The following GPR158 variants were observed in gnomAD, a reference collection of about 807,000 sequenced individuals.
The protein encoded by GPR158 is metabotropic glycine receptor.
A neutral mutation model predicts 78.2 loss-of-function variants in GPR158; 30 were observed. The observed-to-expected ratio is 0.38, with a 90% CI of 0.29 to 0.52. GPR158 has a LOEUF of 0.52. Among genes scored for constraint, GPR158 ranks in the 20% least tolerant of loss-of-function variants. The pLI is 0.83. For synonymous variants in GPR158, 581 were observed against 591.1 expected, an observed-to-expected ratio of 0.98 and a Z score of 0.25; for missense variants, 1,463 against 1,523.5, an observed-to-expected ratio of 0.96 and a Z score of 0.66.
At chr10:25,238,062 T>TTCTTC (rs1463371593) in intron 2 of GPR158, among the ~76,000 whole-genome samples, 1 of 120,170 alleles carries the variant, frequency 8.3e-6, no homozygotes, top group African/African-American at 4.3e-5. Flanking sequence ...TTTTCTTTTC[T>TTCTTC]CTCCTTCTTC....
At chr10:25,534,757 A>G (rs936066955) in intron 5 of GPR158, among the ~76,000 whole-genome samples, 1 of 152,162 alleles carries the variant, frequency 6.6e-6, no homozygotes, top group Non-Finnish European at 1.5e-5. Context: ...TGACAGAGCA[A>G]GACTCCATCT....
chr10:25,236,031 C>A (rs1451054209), intron 2 of GPR158, among the ~76,000 whole-genome samples: 4 of 152,184 alleles, frequency 2.6e-5, no homozygotes, highest in African/African-American at 9.6e-5. Flanking sequence ...TAGCCAACCT[C>A]CATAGCACTT....
intron 2 of GPR158, among the ~76,000 whole-genome samples, chr10:25,379,557 AAGACTTCTTTTTCTCTTCAG>A (rs1470326720): frequency 6.6e-6 from 1 of 152,056 alleles, no homozygotes; most frequent in Non-Finnish European, 1.5e-5. Flanking sequence ...GATACGGCAA[AAGACTTCTTTTTCTCTTCAG>A]CTTCTGCTTA....
chr10:25,314,885 A>ATATATATG (rs1329409723), intron 2 of GPR158, among the ~76,000 whole-genome samples: 5 of 120,270 alleles, frequency 4.2e-5, no homozygotes, highest in Non-Finnish European at 6.9e-5. Context: ...ATATATATAT[A>ATATATATG]TGACTAATGA....
At chr10:25,276,832 G>C (rs1306901974) in intron 2 of GPR158, among the ~76,000 whole-genome samples, 1 of 152,066 alleles carries the variant, frequency 6.6e-6, no homozygotes, top group Non-Finnish European at 1.5e-5. Flanking sequence ...AAGGCAAGTA[G>C]AATGATTTGG....
At chr10:25,229,700 A>G (rs1237503460) in intron 2 of GPR158, among the ~76,000 whole-genome samples, 1 of 152,190 alleles carries the variant, frequency 6.6e-6, no homozygotes, top group East Asian at 1.9e-4. Context: ...TTTCTAGGAA[A>G]CATGTAACCA....
chr10:25,381,409 G>A (rs1248666402), intron 2 of GPR158, among the ~76,000 whole-genome samples: 1 of 152,082 alleles, frequency 6.6e-6, no homozygotes, highest in Non-Finnish European at 1.5e-5. Context: ...AGTGAATTTA[G>A]GGTTGAGAGA....
intron 5 of GPR158, among the ~76,000 whole-genome samples, chr10:25,541,953 AATTATAT>A (rs1012954443): frequency 9.5e-5 from 14 of 147,560 alleles, no homozygotes; most frequent in African/African-American, 1.5e-4. Flanking sequence ...TAATTATATA[AATTATAT>A]ATTATATATT....
At chr10:25,244,215 C>G (rs932757069) in intron 2 of GPR158, 1 of 152,110 alleles carries the variant, frequency 6.6e-6, no homozygotes, top group Non-Finnish European at 1.5e-5. Context: ...TTTGCTGTTA[C>G]CACTACTCTC....
chr10:25,201,838 T>C (rs1412245736), intron 1 of GPR158, among the ~76,000 whole-genome samples: 1 of 152,120 alleles, frequency 6.6e-6, no homozygotes, highest in South Asian at 2.1e-4. Flanking sequence ...TTGATCATGA[T>C]AGATGAGCTT....
At chr10:25,187,721 A>G (rs1236724596) in intron 1 of GPR158, among the ~76,000 whole-genome samples, 1 of 152,214 alleles carries the variant, frequency 6.6e-6, no homozygotes, top group Non-Finnish European at 1.5e-5. Flanking sequence ...GAAAACTGGC[A>G]CAAGACAGGG....
At chr10:25,317,371 A>G (rs1384072807) in intron 2 of GPR158, among the ~76,000 whole-genome samples, 1 of 151,874 alleles carries the variant, frequency 6.6e-6, no homozygotes, top group African/African-American at 2.4e-5. Flanking sequence ...ATGTCTTTTA[A>G]AGCTCACTTT....
Position 25,572,883 on chromosome 10 carries a change from A to T in GPR158, c.1749A>T (p.Ala583=). 1 of 1,548,394 alleles carries T rather than the reference A, an allele frequency of 6.5e-7. No homozygotes were observed. The highest frequency in any genetic ancestry group is 8.9e-7 in the Non-Finnish European group (1 of 1,120,074). ...TTGACCGCTGGGACTACATGACAGC[A>T]GTTGGTATGTGGTCACTTGTTTCGT... is the stretch of plus-strand genomic sequence containing the variant. ...CLIDRWDYMT[A]VAEFLFLLWG... The change falls in exon 7 of 11, where the codon GCA becomes GCT. Residue 583 remains alanine (A), a synonymous_variant. Transcript: ENST00000376351.
In GPR158 at chr10:25,447,479, G is replaced by A. The variant is rs1835153088; in HGVS notation, c.1336-19172G>A. The stretch of plus-strand genomic sequence containing the variant: ...ATGGCATGTGGGTGGAGAATGCTGA[G>A]CTCGTTTCTGTTAGTTTCTCGTTCC... On this transcript the variant is annotated intron_variant, in intron 4 of 10. Coordinates refer to ENST00000376351, the MANE Select transcript of GPR158 (RefSeq NM_020752.3). 1.3e-5 allele frequency among the ~76,000 whole-genome samples: 2 copies of A among 152,210 alleles called. 1 individual carries two copies. Among genetic ancestry groups the A allele is most frequent in the South Asian group, 4.1e-4 (2 of 4,834 alleles).
intron 2 of GPR158, among the ~76,000 whole-genome samples, chr10:25,364,973 G>T (rs1855696786): frequency 6.6e-6 from 1 of 151,634 alleles, no homozygotes; most frequent in Non-Finnish European, 1.5e-5. Flanking sequence ...TAATAATAAA[G>T]AATAAATACA....
chr10:25,481,396 C>T (rs1168864182), intron 5 of GPR158, among the ~76,000 whole-genome samples: 1 of 152,110 alleles, frequency 6.6e-6, no homozygotes, highest in Non-Finnish European at 1.5e-5. Context: ...AGAAGATGAT[C>T]ATCAGGAGGT....
intron 4 of GPR158, among the ~76,000 whole-genome samples, chr10:25,441,336 C>T (rs1177988225): frequency 6.6e-6 from 1 of 152,196 alleles, no homozygotes; most frequent in Non-Finnish European, 1.5e-5. Context: ...GCCAAGATAA[C>T]CAGTTTTCCT....
At chr10:25,465,373 T>G (rs1285316235) in intron 4 of GPR158, among the ~76,000 whole-genome samples, 1 of 152,220 alleles carries the variant, frequency 6.6e-6, no homozygotes, top group Non-Finnish European at 1.5e-5. Flanking sequence ...GATACTTGAA[T>G]TCATTAAAGC....
rs376163503 is a variant in GPR158, at chr10:25,551,036, C to G, written c.1465C>G (p.Leu489Val). The G allele has an allele frequency of 1.6e-5, 25 of 1,611,040 alleles. No homozygotes were observed. Among genetic ancestry groups the G allele is most frequent in the Non-Finnish European group, 2.0e-5 (24 of 1,177,474 alleles). The stretch of plus-strand genomic sequence containing the variant: ...CTGTATTCTCCTAAGATGGGCTCGT[C>G]TTCTCGGTTTTGCTACTGTTTACGG... ...FRCILLRWAR[L>V]LGFATVYGTV... is the part of the protein sequence containing the mutation. The change falls in exon 6 of 11, where the codon CTT becomes GTT. Residue 489 changes from leucine (L) to valine (V), a missense_variant. By Grantham distance (32) the Leu-to-Val change is conservative. Coordinates refer to ENST00000376351, the MANE Select transcript of GPR158 (RefSeq NM_020752.3).
Sources: allele counts gnomAD v4.1 joint callset (sites outside exome capture counted in the v4.1 genomes callset), GRCh38; gene constraint gnomAD v4.1.1; transcripts MANE v1.5; gene names NCBI Gene and HGNC (gene_info 2026-07-23, HGNC 2026-07-21).